KIAA0232: variants seen among roughly 807,000 people sequenced by gnomAD.
KIAA0232 encodes the protein KIAA0232, also known as uncharacterized protein KIAA0232.
KIAA0232 carries 27 observed loss-of-function variants against 122.0 expected under a neutral mutation model. The ratio of observed to expected loss-of-function variants is 0.22; its 90% CI spans 0.16 to 0.31. The LOEUF (loss-of-function observed/expected upper bound fraction) is 0.31. Among genes scored for constraint, KIAA0232 ranks in the 10% least tolerant of loss-of-function variants. The probability of loss-of-function intolerance (pLI) is 1.00; values close to 1 mark genes in which losing one functional copy is unlikely to be tolerated. For missense variants in KIAA0232, 1,551 were observed against 1,634.2 expected (o/e 0.95, Z 0.88); for synonymous variants, 613 against 587.6 (o/e 1.04, Z -0.63).
intron 8 of KIAA0232, among the ~76,000 whole-genome samples, chr4:6,875,159 C>A (rs956081312): frequency 6.6e-6 from 1 of 152,336 alleles, no homozygotes; most frequent in South Asian, 2.1e-4. Context: ...CCTCCCCAGC[C>A]GCCCTAGGGC....
chr4:6,801,022 T>C (rs1044511825), intron 1 of KIAA0232, among the ~76,000 whole-genome samples: 1 of 152,258 alleles, frequency 6.6e-6, no homozygotes, highest in African/African-American at 2.4e-5. Context: ...GGATAATTTG[T>C]AATTTTCTTA....
At chr4:6,811,332 A>G (rs910247396) in intron 2 of KIAA0232, among the ~76,000 whole-genome samples, 14 of 152,348 alleles carry the variant, frequency 9.2e-5, no homozygotes, top group East Asian at 1.9e-4. Context: ...ACTGGAAGTC[A>G]TTATCTTAAG....
At chr4:6,832,564 G>T (rs1254905926) in intron 3 of KIAA0232, among the ~76,000 whole-genome samples, 3 of 152,240 alleles carry the variant, frequency 2.0e-5, no homozygotes. Flanking sequence ...GGCCAGGCTG[G>T]TCTCGAGCTC....
rs1283434987 is a variant in KIAA0232 at position 6,842,123 on chromosome 4, T to C, written c.288T>C (p.Ser96=). ...EKGAYKKWGK[S]KKKCSDLTLE... ...GAGCTTATAAGAAATGGGGAAAGAG[T>C]AAGAAAAAATGTTCAGATCTAACTC... Residue 96 remains serine (S), a synonymous_variant, in exon 4 of 10, where the codon AGT becomes AGC. Coordinates refer to ENST00000307659, the MANE Select transcript of KIAA0232 (RefSeq NM_014743.3). The C allele has an allele frequency of 6.2e-7, 1 of 1,611,584 alleles. No homozygotes were observed. The highest frequency in any genetic ancestry group is 8.5e-7 in the Non-Finnish European group (1 of 1,179,120).
At chr4:6,789,186 T>C (rs1716768781) in intron 1 of KIAA0232, among the ~76,000 whole-genome samples, 1 of 151,982 alleles carries the variant, frequency 6.6e-6, no homozygotes, top group Admixed American at 6.6e-5. Context: ...TTAGCCAGGA[T>C]GGTTTTTATC....
chr4:6,848,228 C>T (rs1720077320), intron 4 of KIAA0232, among the ~76,000 whole-genome samples: 1 of 152,186 alleles, frequency 6.6e-6, no homozygotes, highest in African/African-American at 2.4e-5. Context: ...GTACAGAGTA[C>T]AACTTAGTAT....
chr4:6,869,043 A>G (rs918752895), intron 7 of KIAA0232, among the ~76,000 whole-genome samples: 2 of 152,126 alleles, frequency 1.3e-5, no homozygotes, highest in African/African-American at 4.8e-5. Context: ...GCGGGGCCCC[A>G]TACTTGGGAA....
At chr4:6,792,775 C>T (rs548496335) in intron 1 of KIAA0232, among the ~76,000 whole-genome samples, 21 of 151,292 alleles carry the variant, frequency 1.4e-4, no homozygotes, top group Admixed American at 7.9e-4. Context: ...CTGCAAGCTC[C>T]GCCTCCTGGG....
intron 2 of KIAA0232, among the ~76,000 whole-genome samples, chr4:6,804,924 C>T (rs1003639629): frequency 2.6e-5 from 4 of 151,464 alleles, no homozygotes; most frequent in Non-Finnish European, 5.9e-5. Flanking sequence ...GGAAGCAAAA[C>T]GGGTCAATGA....
At chr4:6,795,973 T>C (rs1560161463) in intron 1 of KIAA0232, among the ~76,000 whole-genome samples, 1 of 151,936 alleles carries the variant, frequency 6.6e-6, no homozygotes, top group East Asian at 1.9e-4. Flanking sequence ...AATAGAGAAG[T>C]CCAAGGGCAG....
At chr4:6,835,496 C>T (rs1356455480) in intron 3 of KIAA0232, among the ~76,000 whole-genome samples, 2 of 152,176 alleles carry the variant, frequency 1.3e-5, no homozygotes, top group African/African-American at 4.8e-5. Context: ...ACTTTAAGTT[C>T]TAGAGTACAT....
At chr4:6,812,474 A>G (rs925208167) in intron 2 of KIAA0232, among the ~76,000 whole-genome samples, 2 of 152,184 alleles carry the variant, frequency 1.3e-5, no homozygotes, top group African/African-American at 2.4e-5. Context: ...TATGTATGTT[A>G]TTATTTAATA....
chr4:6,820,860 G>A (rs1339250636), intron 2 of KIAA0232, among the ~76,000 whole-genome samples: 1 of 152,234 alleles, frequency 6.6e-6, no homozygotes, highest in Non-Finnish European at 1.5e-5. Context: ...CACAGTTCCT[G>A]GAGGCTGGGA....
rs746875768 is a variant in KIAA0232, at chr4:6,881,588, C to A, written c.*622C>A. 1 of 152,596 alleles carries A rather than the reference C, an allele frequency of 6.6e-6. No homozygotes were observed. Among genetic ancestry groups the A allele is most frequent in the Admixed American group, 6.5e-5 (1 of 15,274 alleles). 9.5% of individuals were successfully genotyped at this position (152,596 alleles called of 1,614,324 possible). The stretch of plus-strand genomic sequence containing the variant: ...GGATTTCTTTTCCCCTAAAGTATCA[C>A]GGAAGATACTATGGTTCGTGACTTT... On this transcript the variant is annotated 3_prime_UTR_variant, in exon 10 of 10. Coordinates refer to ENST00000307659, the MANE Select transcript of KIAA0232 (RefSeq NM_014743.3).
chr4:6,860,685 TA>T (rs1381417008), intron 6 of KIAA0232, among the ~76,000 whole-genome samples: 1 of 152,246 alleles, frequency 6.6e-6, no homozygotes, highest in African/African-American at 2.4e-5. Context: ...TTACAGTGCG[TA>T]TCACAGTGCT....
chr4:6,822,237 A>T (rs1406722179), intron 2 of KIAA0232, among the ~76,000 whole-genome samples: 2 of 152,176 alleles, frequency 1.3e-5, no homozygotes, highest in African/African-American at 4.8e-5. Flanking sequence ...GCTTTAATTT[A>T]TCTAGTTGTC....
At chr4:6,870,024 G>C (rs1227560515) in intron 7 of KIAA0232, among the ~76,000 whole-genome samples, 1 of 152,200 alleles carries the variant, frequency 6.6e-6, no homozygotes, top group Non-Finnish European at 1.5e-5. Flanking sequence ...GGGCGAGCTG[G>C]GGCAGGCTCA....
At position 6,782,764 on chromosome 4, in the gene KIAA0232, C is replaced by G. The variant is rs1346532880; in HGVS notation, c.-431C>G. ...GCGCAGGCCAGGGCCGCCCGGCGCT[C>G]GGCAGCCGCCCGCAGCCCCTCGGAG... is the stretch of plus-strand genomic sequence containing the variant. On this transcript the variant is annotated 5_prime_UTR_variant, in exon 1 of 10. Coordinates refer to ENST00000307659, the MANE Select transcript of KIAA0232 (RefSeq NM_014743.3). 6.7e-6 allele frequency: 1 copy of G among 149,478 alleles called. No homozygotes were observed. The highest frequency in any genetic ancestry group is 2.4e-5 in the African/African-American group (1 of 41,084). The allele number at this position is 149,478 out of a possible 1,614,324, so 9.3% of individuals were successfully genotyped here.
chr4:6,790,587 G>A (rs1336306161), intron 1 of KIAA0232, among the ~76,000 whole-genome samples: 1 of 151,700 alleles, frequency 6.6e-6, no homozygotes, highest in Non-Finnish European at 1.5e-5. Context: ...GTTTTGCCAT[G>A]TTGCCCAGGC....
Sources: gnomAD v4.1 joint callset for allele counts (sites outside exome capture counted in the v4.1 genomes callset) on GRCh38, gnomAD v4.1.1 for gene constraint, MANE v1.5 for transcripts, NCBI Gene and HGNC (gene_info 2026-07-23, HGNC 2026-07-21) for gene names.